Variants in SPATA22 observed in about 807,000 individuals in gnomAD.
The protein encoded by SPATA22 is spermatogenesis-associated protein 22.
A neutral mutation model predicts 47.8 loss-of-function variants in SPATA22; 29 were observed. That is an observed-to-expected ratio of 0.61 (90% CI 0.45 to 0.83). SPATA22 has a LOEUF of 0.83. SPATA22 is among the 40% of genes least tolerant of loss of function. The pLI is 0.00. For missense variants in SPATA22, 410 were observed against 421.7 expected (o/e 0.97, Z 0.24); for synonymous variants, 133 against 140.9 (o/e 0.94, Z 0.40).
chr17:3,468,458 T>C (rs2073360062), intron 2 of SPATA22: 9 of 152,240 alleles, frequency 5.9e-5, no homozygotes, highest in Admixed American at 5.9e-4. Flanking sequence ...GTGAACAGTC[T>C]CTGATGAAAG....
rs2072635626 is a variant in SPATA22 at position 3,443,187 on chromosome 17, A to T, written c.887T>A (p.Val296Asp). 1 of 1,608,966 alleles carries T rather than the reference A, an allele frequency of 6.2e-7. No homozygotes were observed. The highest frequency in any genetic ancestry group is 1.1e-5 in the South Asian group (1 of 90,394). Residue 296 changes from valine (V) to aspartate (D), a missense_variant, in exon 8 of 9, where the codon GTC (valine) becomes GAC (aspartate). Coordinates refer to ENST00000572969, the MANE Select transcript of SPATA22 (RefSeq NM_001170698.2). ...AAAAATACTCACGATTTCATAAAAG[A>T]CACAAGGCAGAGTATTTTTCCCATC... ...MRDGKNTLPC[V>D]FYEIDRELPR...
At chr17:3,463,934 C>CCTCTCCCTCTCG (rs775188044) in intron 3 of SPATA22, among the ~76,000 whole-genome samples, 14 of 65,860 alleles carry the variant, frequency 2.1e-4, no homozygotes, top group Non-Finnish European at 3.7e-4. Flanking sequence ...TCTCCCTCTC[C>CCTCTCCCTCTCG]CTCTCCCTCT....
chr17:3,471,768 G>T lies in SPATA22; in HGVS notation c.-160C>A, dbSNP rs1052017343. 3 of 985,498 alleles carry T rather than the reference G, an allele frequency of 3.0e-6. No homozygotes were observed. Among genetic ancestry groups the T allele is most frequent in the South Asian group, 9.4e-5 (2 of 21,308 alleles). 61.0% of individuals were successfully genotyped at this position (985,498 alleles called of 1,614,324 possible). On this transcript the variant is annotated 5_prime_UTR_variant, in exon 1 of 9. Coordinates refer to ENST00000572969, the MANE Select transcript of SPATA22 (RefSeq NM_001170698.2). Reference sequence around the variant, plus strand: ...CGCCTCCGTCAACCGTCGTCCAGGCGGCCCCGTCAGCAACCGCCGCCCTTC... The same window carrying T: ...CGCCTCCGTCAACCGTCGTCCAGGCTGCCCCGTCAGCAACCGCCGCCCTTC...
intron 1 of SPATA22, among the ~76,000 whole-genome samples, chr17:3,506,994 G>GGAAGGGAGGGAGGAAA (rs1268108608): frequency 1.9e-4 from 27 of 143,830 alleles, no homozygotes; most frequent in African/African-American, 6.6e-4. Context: ...AGAGAAGGAA[G>GGAAGGGAGGGAGGAAA]GGAGGGAGGA....
chr17:3,504,015 TCTCCA>T (rs2074018602), intron 1 of SPATA22, among the ~76,000 whole-genome samples: 1 of 152,082 alleles, frequency 6.6e-6, no homozygotes, highest in Non-Finnish European at 1.5e-5. Context: ...CTTTGGGCCA[TCTCCA>T]CTCCAGTGTC....
Position 3,485,779 on chromosome 17 carries a change from C to G in SPATA22, c.-73-16381G>C, listed in dbSNP as rs189598822. ...GTGGATGCCAGTAGAAGACACAAGA[C>G]TCCTAAAACAGAGACAAAGAATAGA... is the stretch of plus-strand genomic sequence containing the variant. On this transcript the variant is annotated intron_variant, in intron 1 of 8. Transcript: ENST00000541913. This position sits in a 1 kb window ranked among gnomAD's most constrained non-coding sequence, Gnocchi z 4.4. Among the ~76,000 whole-genome samples, 61 of 152,286 alleles carry G rather than the reference C, an allele frequency of 4.0e-4. No homozygotes were observed. In the East Asian group the frequency reaches 9.6e-3, roughly 24 times the overall value.
At chr17:3,484,832 T>C (rs1319251167) in intron 1 of SPATA22, among the ~76,000 whole-genome samples, 1 of 152,138 alleles carries the variant, frequency 6.6e-6, no homozygotes, top group Non-Finnish European at 1.5e-5. Flanking sequence ...GAATATCATA[T>C]ACAAGGGCCC....
At chr17:3,508,478 C>T (rs571085528) in intron 1 of SPATA22, among the ~76,000 whole-genome samples, 89 of 150,366 alleles carry the variant, frequency 5.9e-4, no homozygotes, top group African/African-American at 1.9e-3. Flanking sequence ...CTATTCACAA[C>T]AGCAAAGACT....
At chr17:3,455,670 C>T (rs2072972756) in intron 5 of SPATA22, among the ~76,000 whole-genome samples, 1 of 142,124 alleles carries the variant, frequency 7.0e-6, no homozygotes, top group Non-Finnish European at 1.5e-5. Flanking sequence ...TGTTTTGGTA[C>T]CAGTACCATG....
chr17:3,463,882 A>C (rs942889732), intron 3 of SPATA22, among the ~76,000 whole-genome samples: 2 of 151,022 alleles, frequency 1.3e-5, no homozygotes, highest in Non-Finnish European at 2.9e-5. Context: ...TTAATGGATC[A>C]AGACAAACAT....
At chr17:3,470,441 G>A (rs981137439) in intron 1 of SPATA22, among the ~76,000 whole-genome samples, 16 of 152,084 alleles carry the variant, frequency 1.1e-4, no homozygotes, top group African/African-American at 1.4e-4. Flanking sequence ...TTCAAATATC[G>A]TTTGTAAAAA....
At chr17:3,453,047 A>C (rs2072901013) in intron 5 of SPATA22, among the ~76,000 whole-genome samples, 1 of 152,230 alleles carries the variant, frequency 6.6e-6, no homozygotes, top group Non-Finnish European at 1.5e-5. Context: ...CATCACTCTG[A>C]TATCAAAATC....
rs1301469381 is a variant in SPATA22, at chr17:3,510,993, T to G, written c.-74+2419A>C. 2.0e-5 allele frequency: 3 copies of G among 152,256 alleles called. No homozygotes were observed. The East Asian group carries it at 5.8e-4, about 29-fold the overall frequency. The allele number at this position is 152,256 out of a possible 1,614,324, so 9.4% of individuals were successfully genotyped here. ...TCACATAATGTCTAGAATAATGAAT[T>G]CTTCCTGAGGAAAAGTTTAGCTAAA... On this transcript the variant is annotated intron_variant, in intron 1 of 8. Transcript: ENST00000541913.
intron 1 of SPATA22, among the ~76,000 whole-genome samples, chr17:3,491,877 C>CT (rs540965896): frequency 0.088 from 10,812 of 122,966 alleles, 1,091 homozygotes; most frequent in African/African-American, 0.2. Flanking sequence ...CTTTTGTTTT[C>CT]TTTTTTTTTT....
chr17:3,508,897 T>TTA (rs761257332), intron 1 of SPATA22, among the ~76,000 whole-genome samples: 2 of 112,996 alleles, frequency 1.8e-5, no homozygotes, highest in African/African-American at 7.3e-5. Context: ...GCTTAAAGTA[T>TTA]AAAAAAAAAA....
At chr17:3,482,738 G>A (rs1276282662) in intron 1 of SPATA22, among the ~76,000 whole-genome samples, 1 of 151,380 alleles carries the variant, frequency 6.6e-6, no homozygotes, top group Non-Finnish European at 1.5e-5. Flanking sequence ...CTGGGTAGTG[G>A]TCCTGGTAGG....
intron 2 of SPATA22, among the ~76,000 whole-genome samples, chr17:3,468,030 T>C (rs1335881126): frequency 6.6e-6 from 1 of 152,236 alleles, no homozygotes; most frequent in Non-Finnish European, 1.5e-5. Context: ...CTGCTTAATG[T>C]GCAGTTCCTA....
chr17:3,480,906 CA>C (rs2073615941), intron 1 of SPATA22, among the ~76,000 whole-genome samples: 1 of 152,268 alleles, frequency 6.6e-6, no homozygotes, highest in African/African-American at 2.4e-5. Context: ...TTTGCAAAGG[CA>C]GTTTTAGTTC....
At chr17:3,441,995 A>G (rs1056523167) in intron 8 of SPATA22, among the ~76,000 whole-genome samples, 1 of 152,036 alleles carries the variant, frequency 6.6e-6, no homozygotes, top group African/African-American at 2.4e-5. Flanking sequence ...TGTAAGTAGA[A>G]GACAAGAGGT....
Sources: allele counts gnomAD v4.1 joint callset (sites outside exome capture counted in the v4.1 genomes callset), GRCh38; gene constraint gnomAD v4.1.1; non-coding constraint Gnocchi (gnomAD v3.1); transcripts MANE v1.5; gene names NCBI Gene and HGNC (gene_info 2026-07-23, HGNC 2026-07-21).